The following MAL2 variants were observed in gnomAD, a reference collection of about 807,000 sequenced individuals.
The protein encoded by MAL2 is protein MAL2.
In MAL2, 17 loss-of-function variants were observed where a neutral mutation model predicts 18.1. The ratio of observed to expected loss-of-function variants is 0.94; its 90% CI spans 0.64 to 1.41. The LOEUF (loss-of-function observed/expected upper bound fraction) is 1.41, where lower values mean the gene tolerates loss of function less well. Among genes scored for constraint, MAL2 ranks in the 40% most tolerant of loss-of-function variants. The probability of loss-of-function intolerance (pLI) is 0.00; values close to 1 mark genes in which losing one functional copy is unlikely to be tolerated. For missense variants in MAL2, 222 were observed against 231.9 expected, an observed-to-expected ratio of 0.96 and a Z score of 0.28; for synonymous variants, 102 against 102.3, an observed-to-expected ratio of 1.00 and a Z score of 0.02.
At chr8:119,232,946 TGA>T (rs1486756404) in intron 2 of MAL2, among the ~76,000 whole-genome samples, 1 of 152,210 alleles carries the variant, frequency 6.6e-6, no homozygotes, top group South Asian at 2.1e-4. Flanking sequence ...CACTGTGGGC[TGA>T]GAGACAGTTT....
In MAL2 at chr8:119,243,434, G is replaced by T. The variant is rs780958122; in HGVS notation, c.477G>T (p.Thr159=). Residue 159 remains threonine, a synonymous_variant, in exon 4 of 4, where the codon ACG becomes ACT. Transcript: ENST00000614891. ...TTTCTTAGATTTTTGCCTTTATGACGACAGCTTGTTATGGTTGCAGTTTGG... is the reference window on the plus strand; with the variant it reads ...TTTCTTAGATTTTTGCCTTTATGACTACAGCTTGTTATGGTTGCAGTTTGG... ...NVAASIFAFM[T]TACYGCSLGL... 2.5e-6 allele frequency: 4 copies of T among 1,596,176 alleles called. No individual in the cohort carries two copies. The highest frequency in any genetic ancestry group is 3.4e-6 in the Non-Finnish European group (4 of 1,170,462).
chr8:119,239,086 AAAAC>A (rs1183384807), intron 2 of MAL2, among the ~76,000 whole-genome samples: 2 of 151,982 alleles, frequency 1.3e-5, no homozygotes, highest in African/African-American at 2.4e-5. Flanking sequence ...ACAAGAAAAA[AAAAC>A]AACCCCATCA....
intron 2 of MAL2, among the ~76,000 whole-genome samples, chr8:119,230,469 G>T (rs1817695528): frequency 6.6e-6 from 1 of 152,118 alleles, no homozygotes; most frequent in African/African-American, 2.4e-5. Flanking sequence ...AGCAGTAATT[G>T]CTTGTGGGCA....
intron 2 of MAL2, among the ~76,000 whole-genome samples, chr8:119,228,071 T>C (rs1563773156): frequency 6.6e-6 from 1 of 152,166 alleles, no homozygotes; most frequent in Non-Finnish European, 1.5e-5. Flanking sequence ...GGTCTACATA[T>C]AATTCCTTTC....
chr8:119,229,245 G>A lies in MAL2; in HGVS notation c.303+7488G>A, dbSNP rs1181260315. The stretch of plus-strand genomic sequence containing the variant: ...GAAGCTTTGAAATGTTTTATCCCAT[G>A]GCCCTGACAAGTACAGTAGTCTATT... On this transcript the variant is annotated intron_variant, in intron 2 of 3. Coordinates refer to ENST00000614891, the MANE Select transcript of MAL2 (RefSeq NM_052886.3). Among the ~76,000 whole-genome samples, 3 of 151,910 alleles carry A rather than the reference G, an allele frequency of 2.0e-5. No individual in the cohort carries two copies. The East Asian group carries it at 5.8e-4, about 29-fold the overall frequency.
intron 2 of MAL2, among the ~76,000 whole-genome samples, chr8:119,234,000 G>A (rs7004820): frequency 0.18 from 27,535 of 152,122 alleles, 2,837 homozygotes; most frequent in South Asian, 0.33. Context: ...AGCTCCCAGC[G>A]TGAGTGACGC....
At chr8:119,231,532 G>T (rs1817729116) in intron 2 of MAL2, among the ~76,000 whole-genome samples, 3 of 152,192 alleles carry the variant, frequency 2.0e-5, no homozygotes, top group Admixed American at 1.3e-4. Context: ...ATAGAGAACA[G>T]TGTGGAAGTT....
At chr8:119,236,256 T>C (rs1817889271) in intron 2 of MAL2, among the ~76,000 whole-genome samples, 1 of 130,828 alleles carries the variant, frequency 7.6e-6, no homozygotes, top group African/African-American at 3.1e-5. Flanking sequence ...ATCCTAAATA[T>C]ATATGCACCC....
At chr8:119,220,475 G>C (rs1207034879) in intron 1 of MAL2, among the ~76,000 whole-genome samples, 2 of 152,034 alleles carry the variant, frequency 1.3e-5, no homozygotes, top group Non-Finnish European at 2.9e-5. Context: ...TCACATTCTA[G>C]CCAGAGAGAA....
chr8:119,228,505 C>T (rs1817643858), intron 2 of MAL2, among the ~76,000 whole-genome samples: 1 of 152,062 alleles, frequency 6.6e-6, no homozygotes, highest in African/African-American at 2.4e-5. Context: ...AGGATGACCC[C>T]CATCCTCACA....
intron 3 of MAL2, 111 bp downstream of exon 3, chr8:119,240,431 A>G: frequency 1.8e-6 from 2 of 1,099,674 alleles, no homozygotes; most frequent in Non-Finnish European, 2.6e-6. Context: ...AGCCATTGGC[A>G]TTAAATATGT....
At chr8:119,213,675 C>T (rs1185043950) in intron 1 of MAL2, among the ~76,000 whole-genome samples, 1 of 152,014 alleles carries the variant, frequency 6.6e-6, no homozygotes, top group Non-Finnish European at 1.5e-5. Flanking sequence ...CAAAATTAGC[C>T]AGGTGTGGTG....
intron 2 of MAL2, among the ~76,000 whole-genome samples, chr8:119,233,021 T>C (rs1267373942): frequency 6.6e-6 from 1 of 152,174 alleles, no homozygotes; most frequent in Non-Finnish European, 1.5e-5. Flanking sequence ...TGTGGTCAAT[T>C]TTGGAATAGG....
At chr8:119,234,937 C>T (rs1352032020) in intron 2 of MAL2, among the ~76,000 whole-genome samples, 1 of 152,080 alleles carries the variant, frequency 6.6e-6, no homozygotes, top group East Asian at 1.9e-4. Context: ...TCCTCACCAG[C>T]AACGGAACAA....
At chr8:119,232,887 G>C (rs984417294) in intron 2 of MAL2, among the ~76,000 whole-genome samples, 1 of 152,098 alleles carries the variant, frequency 6.6e-6, no homozygotes, top group Non-Finnish European at 1.5e-5. Flanking sequence ...TTTCCATGTA[G>C]CTGAGCAGTT....
chr8:119,222,093 C>A (rs969833185), intron 2 of MAL2, among the ~76,000 whole-genome samples: 1 of 152,020 alleles, frequency 6.6e-6, no homozygotes, highest in African/African-American at 2.4e-5. Context: ...TAAACATTGT[C>A]GCATCTTGAA....
chr8:119,235,178 C>T (rs556669151), intron 2 of MAL2, among the ~76,000 whole-genome samples: 8 of 152,044 alleles, frequency 5.3e-5, no homozygotes, highest in African/African-American at 1.2e-4. Flanking sequence ...GCCTCAGGAG[C>T]GAATGCGATC....
At chr8:119,229,963 C>T (rs1007183343) in intron 2 of MAL2, among the ~76,000 whole-genome samples, 2 of 152,170 alleles carry the variant, frequency 1.3e-5, no homozygotes, top group Non-Finnish European at 2.9e-5. Context: ...TTGCTCAGGT[C>T]AATATCATAT....
chr8:119,242,957 T>G (rs1476663736), intron 3 of MAL2, among the ~76,000 whole-genome samples: 3 of 152,218 alleles, frequency 2.0e-5, no homozygotes, highest in African/African-American at 7.2e-5. Flanking sequence ...GATAATTCAT[T>G]TCCACTTGTC....
Sources: allele counts gnomAD v4.1 joint callset (sites outside exome capture counted in the v4.1 genomes callset), GRCh38; gene constraint gnomAD v4.1.1; transcripts MANE v1.5; gene names NCBI Gene and HGNC (gene_info 2026-07-23, HGNC 2026-07-21).